The following RCOR1 variants were observed in gnomAD, a reference collection of about 807,000 sequenced individuals.
The protein encoded by RCOR1 is REST corepressor.
Under a neutral mutation model 64.0 loss-of-function variants are expected in RCOR1, and 12 were observed. That is an observed-to-expected ratio of 0.19 (90% confidence interval 0.12 to 0.30). The LOEUF is 0.30. Ranked by LOEUF, RCOR1 falls within the 10% of genes least tolerant of loss-of-function variation. The pLI is 1.00. For synonymous variants in RCOR1, 279 were observed against 227.2 expected, an observed-to-expected ratio of 1.23 and a Z score of -2.05; for missense variants, 502 against 621.2, an observed-to-expected ratio of 0.81 and a Z score of 2.04.
intron 2 of RCOR1, chr14:102,659,299 A>C: frequency 1.0e-6 from 1 of 982,252 alleles, no homozygotes; most frequent in Non-Finnish European, 1.2e-6. Flanking sequence ...GTCTCATCTG[A>C]TCAGCATTTA....
chr14:102,695,694 AG>A (rs1404483845), intron 3 of RCOR1, among the ~76,000 whole-genome samples: 1 of 148,920 alleles, frequency 6.7e-6, no homozygotes, highest in Non-Finnish European at 1.5e-5. Context: ...TACAGGCATG[AG>A]CCACCATGCC....
chr14:102,671,297 T>C (rs561198583), intron 2 of RCOR1, among the ~76,000 whole-genome samples: 2 of 152,292 alleles, frequency 1.3e-5, no homozygotes, highest in South Asian at 4.1e-4. Context: ...TTTTAGGGTA[T>C]AGGGGAGGGG....
chr14:102,681,095 C>T (rs1449141361), intron 2 of RCOR1, among the ~76,000 whole-genome samples: 1 of 152,104 alleles, frequency 6.6e-6, no homozygotes, highest in African/African-American at 2.4e-5. Context: ...GTCAACCAGA[C>T]TGTGGGTTTC....
chr14:102,669,862 G>A (rs927869011), intron 2 of RCOR1, among the ~76,000 whole-genome samples: 1 of 152,000 alleles, frequency 6.6e-6, no homozygotes, highest in East Asian at 1.9e-4. Flanking sequence ...ACGTTTTTTG[G>A]TCCCTAACAT....
intron 2 of RCOR1, among the ~76,000 whole-genome samples, chr14:102,670,827 G>GC (rs2139948266): frequency 6.6e-6 from 1 of 151,956 alleles, no homozygotes; most frequent in East Asian, 1.9e-4. Context: ...AGGCTGGAGT[G>GC]CAGCGGTGTT....
chr14:102,684,458 C>T (rs77795129), intron 3 of RCOR1, among the ~76,000 whole-genome samples: 2,595 of 152,046 alleles, frequency 0.017, 77 homozygotes, highest in African/African-American at 0.058. Context: ...ATTTATTAAC[C>T]GAGTAAACAC....
chr14:102,678,466 A>G (rs1394208373), intron 2 of RCOR1, among the ~76,000 whole-genome samples: 2 of 151,824 alleles, frequency 1.3e-5, no homozygotes, highest in African/African-American at 4.8e-5. Flanking sequence ...CACCTGGCTA[A>G]TTTTTGTATT....
intron 3 of RCOR1, 111 bp downstream of exon 3, chr14:102,682,089 A>T (rs1204073663): frequency 3.1e-6 from 2 of 637,776 alleles, no homozygotes; most frequent in Non-Finnish European, 5.3e-6. Context: ...CTATTTTAAG[A>T]TAAATAATTT....
At chr14:102,666,015 G>C (rs1894910991) in intron 2 of RCOR1, among the ~76,000 whole-genome samples, 3 of 152,188 alleles carry the variant, frequency 2.0e-5, no homozygotes, top group Admixed American at 2.0e-4. Context: ...GGTGTCCCCA[G>C]TGTTATGAGA....
chr14:102,709,796 T>C (rs758945008), intron 6 of RCOR1, among the ~76,000 whole-genome samples: 7 of 152,244 alleles, frequency 4.6e-5, no homozygotes, highest in Non-Finnish European at 1.0e-4. Flanking sequence ...TCTGTTACTA[T>C]AAGCAGATGC....
intron 2 of RCOR1, among the ~76,000 whole-genome samples, chr14:102,618,877 G>A (rs571512870): frequency 4.6e-5 from 7 of 152,138 alleles, no homozygotes; most frequent in Non-Finnish European, 1.0e-4. Context: ...TACTCTTAGG[G>A]TGGCTCTTGA....
chr14:102,710,849 C>G (rs755356722), intron 6 of RCOR1, 86 bp from the exon 7 acceptor site: 9 of 907,074 alleles, frequency 9.9e-6, no homozygotes, highest in Non-Finnish European at 1.4e-5. Context: ...AAAATTAGTA[C>G]AAAATTTTCA....
At chr14:102,638,940 G>A (rs1438977308) in intron 2 of RCOR1, among the ~76,000 whole-genome samples, 1 of 152,214 alleles carries the variant, frequency 6.6e-6, no homozygotes, top group Non-Finnish European at 1.5e-5. Flanking sequence ...TGGGATTGCA[G>A]GCGTGAACTA....
chr14:102,664,841 T>C (rs1033916164), intron 2 of RCOR1, among the ~76,000 whole-genome samples: 4 of 152,208 alleles, frequency 2.6e-5, no homozygotes, highest in Admixed American at 1.3e-4. Context: ...TTGCTATTAT[T>C]TATGAAGTAT....
intron 3 of RCOR1, among the ~76,000 whole-genome samples, chr14:102,700,869 G>A (rs1216737175): frequency 6.6e-6 from 1 of 152,216 alleles, no homozygotes; most frequent in Non-Finnish European, 1.5e-5. Flanking sequence ...CCGAGACTGG[G>A]AAGAAAAAGA....
At chr14:102,714,654 A>G (rs781746464) in intron 8 of RCOR1, 37 bp downstream of exon 8, 3 of 1,487,356 alleles carry the variant, frequency 2.0e-6, no homozygotes, top group African/African-American at 1.4e-5. Flanking sequence ...AAAAGAATTA[A>G]TTAGCACTTT....
intron 2 of RCOR1, among the ~76,000 whole-genome samples, chr14:102,668,819 C>CT (rs1283019803): frequency 6.6e-6 from 1 of 152,036 alleles, no homozygotes; most frequent in Non-Finnish European, 1.5e-5. Flanking sequence ...CGTGAAATCG[C>CT]TAATCTTTGA....
intron 2 of RCOR1, among the ~76,000 whole-genome samples, chr14:102,635,501 C>G (rs1894216853): frequency 6.6e-6 from 1 of 151,632 alleles, no homozygotes; most frequent in African/African-American, 2.4e-5. Context: ...GAGACTTTGT[C>G]TCAAAAAAGA....
At chr14:102,649,738 C>T (rs1894547171) in intron 2 of RCOR1, 24 of 974,468 alleles carry the variant, frequency 2.5e-5, no homozygotes, top group Non-Finnish European at 2.7e-5. Context: ...GTTTGATGAC[C>T]TTCCTGTAGA....
Sources: gnomAD v4.1 joint callset for allele counts (sites outside exome capture counted in the v4.1 genomes callset) on GRCh38, gnomAD v4.1.1 for gene constraint, MANE v1.5 for transcripts, NCBI Gene and HGNC (gene_info 2026-07-23, HGNC 2026-07-21) for gene names.